Variants in RBMS3 observed in about 807,000 individuals in gnomAD.
RBMS3 encodes RNA binding motif single stranded interacting protein 3.
RBMS3 carries 27 observed loss-of-function variants against 66.8 expected under a neutral mutation model. The observed-to-expected ratio is 0.40, with a 90% CI of 0.30 to 0.56. RBMS3 has a LOEUF of 0.56. RBMS3 is among the 20% of genes least tolerant of loss of function. The pLI, the probability that RBMS3 is intolerant of heterozygous loss-of-function variation, is 0.40. For missense variants in RBMS3, 513 were observed against 549.5 expected, an observed-to-expected ratio of 0.93 and a Z score of 0.66; for synonymous variants, 188 against 183.0, an observed-to-expected ratio of 1.03 and a Z score of -0.22.
chr3:29,452,267 G>A (rs1244365243), intron 2 of RBMS3, among the ~76,000 whole-genome samples: 1 of 152,160 alleles, frequency 6.6e-6, no homozygotes, highest in Admixed American at 6.5e-5. Context: ...TCCTCAGGGT[G>A]TGTGGACGAG....
chr3:29,528,892 C>T (rs2045242088), intron 3 of RBMS3, among the ~76,000 whole-genome samples: 1 of 151,952 alleles, frequency 6.6e-6, no homozygotes, highest in African/African-American at 2.4e-5. Flanking sequence ...TGTCACCACA[C>T]CCAGCTAATT....
At chr3:29,670,506 G>A (rs1241992148) in intron 4 of RBMS3, among the ~76,000 whole-genome samples, 1 of 152,118 alleles carries the variant, frequency 6.6e-6, no homozygotes, top group African/African-American at 2.4e-5. Context: ...GCTAACCAAG[G>A]GAAGCCATGA....
intron 2 of RBMS3, among the ~76,000 whole-genome samples, chr3:29,441,743 G>A (rs905590291): frequency 2.0e-5 from 3 of 152,152 alleles, no homozygotes; most frequent in African/African-American, 7.2e-5. Flanking sequence ...TGGATTTTGG[G>A]ATTTTTTAAA....
chr3:29,885,052 A>T (rs1202782392), intron 8 of RBMS3, among the ~76,000 whole-genome samples: 1 of 151,936 alleles, frequency 6.6e-6, no homozygotes, highest in African/African-American at 2.4e-5. Flanking sequence ...TGGGATATTG[A>T]AAGTATTTAA....
chr3:29,578,790 CTTTTTTTTTTTTT>C (rs1185861167), intron 3 of RBMS3, among the ~76,000 whole-genome samples: 1 of 101,086 alleles, frequency 9.9e-6, no homozygotes, highest in African/African-American at 4.5e-5. Flanking sequence ...ATACATGCTT[CTTTTTTTTTTTTT>C]TTTTTTTTTG....
At chr3:29,474,143 T>C (rs1417969794) in intron 2 of RBMS3, among the ~76,000 whole-genome samples, 2 of 152,268 alleles carry the variant, frequency 1.3e-5, no homozygotes, top group Non-Finnish European at 2.9e-5. Context: ...ACCACGATCC[T>C]GACTTCTAAT....
At chr3:29,814,806 A>G (rs186210997) in intron 6 of RBMS3, among the ~76,000 whole-genome samples, 2 of 152,334 alleles carry the variant, frequency 1.3e-5, no homozygotes, top group African/African-American at 2.4e-5. Flanking sequence ...AAAAATTGGT[A>G]TCTCATTTTC....
At chr3:29,568,597 A>G (rs1317451421) in intron 3 of RBMS3, among the ~76,000 whole-genome samples, 1 of 152,194 alleles carries the variant, frequency 6.6e-6, no homozygotes, top group African/African-American at 2.4e-5. Context: ...TGTTATTATT[A>G]TCCTTATTTT....
intron 10 of RBMS3, chr3:29,925,325 G>A (rs1422443166): frequency 1.3e-5 from 2 of 152,018 alleles, no homozygotes; most frequent in African/African-American, 4.8e-5. Context: ...TCTAATGCTT[G>A]GCTGTCATAG....
At chr3:29,683,908 T>C (rs943070883) in intron 4 of RBMS3, among the ~76,000 whole-genome samples, 8 of 152,226 alleles carry the variant, frequency 5.3e-5, no homozygotes, top group Non-Finnish European at 8.8e-5. Flanking sequence ...AGCTGCTGGC[T>C]TGCTGGTTTT....
intron 3 of RBMS3, among the ~76,000 whole-genome samples, chr3:29,544,909 G>C (rs2045895549): frequency 6.6e-6 from 1 of 152,088 alleles, no homozygotes. Context: ...GTGTTAGCTG[G>C]TTTAGCCCTT....
chr3:29,889,591 G>T (rs1268371590), intron 8 of RBMS3, among the ~76,000 whole-genome samples: 2 of 151,604 alleles, frequency 1.3e-5, no homozygotes, highest in Non-Finnish European at 3.0e-5. Context: ...ACCTGGTGTG[G>T]TACAAGATAA....
At chr3:29,351,209 C>A (rs890160229) in intron 1 of RBMS3, among the ~76,000 whole-genome samples, 2 of 152,158 alleles carry the variant, frequency 1.3e-5, no homozygotes, top group Middle Eastern at 3.4e-3. Context: ...CAAATAATGA[C>A]GTGATGAACA....
intron 3 of RBMS3, among the ~76,000 whole-genome samples, chr3:29,495,454 T>C (rs1269356487): frequency 6.6e-6 from 1 of 150,478 alleles, no homozygotes; most frequent in African/African-American, 2.5e-5. Context: ...ATAGTCTTCT[T>C]CTGTCACCCA....
intron 4 of RBMS3, among the ~76,000 whole-genome samples, chr3:29,700,125 A>C (rs542707514): frequency 6.6e-6 from 1 of 152,176 alleles, no homozygotes; most frequent in Non-Finnish European, 1.5e-5. Flanking sequence ...ACAATACTGG[A>C]CTATGTGATC....
At chr3:29,916,089 T>C (rs2060632863) in intron 10 of RBMS3, among the ~76,000 whole-genome samples, 1 of 152,040 alleles carries the variant, frequency 6.6e-6, no homozygotes, top group Non-Finnish European at 1.5e-5. Flanking sequence ...AGAAATGTTC[T>C]GGCTAACACA....
intron 1 of RBMS3, among the ~76,000 whole-genome samples, chr3:29,411,636 G>A (rs1286252568): frequency 1.3e-5 from 2 of 152,158 alleles, no homozygotes; most frequent in African/African-American, 4.8e-5. Context: ...TATGCCCAAC[G>A]GTGTTTGGAT....
At chr3:29,606,419 A>G (rs1227094164) in intron 4 of RBMS3, among the ~76,000 whole-genome samples, 3 of 151,920 alleles carry the variant, frequency 2.0e-5, no homozygotes, top group Non-Finnish European at 4.4e-5. Context: ...TATTTTGAAC[A>G]TCAACATAAA....
chr3:29,931,462 A>G (rs1278210712), intron 10 of RBMS3, among the ~76,000 whole-genome samples: 1 of 152,204 alleles, frequency 6.6e-6, no homozygotes, highest in African/African-American at 2.4e-5. Context: ...CCTTTGCCAC[A>G]TCTTTTGAAT....
Sources: allele counts gnomAD v4.1 joint callset (sites outside exome capture counted in the v4.1 genomes callset), GRCh38; gene constraint gnomAD v4.1.1; transcripts MANE v1.5; gene names NCBI Gene and HGNC (gene_info 2026-07-23, HGNC 2026-07-21).